Variants in MGST1 observed in about 807,000 individuals in gnomAD.
MGST1 encodes the protein microsomal glutathione S-transferase 1, also known as glutathione S-transferase 12.
A neutral mutation model predicts 8.9 loss-of-function variants in MGST1; 5 were observed. The observed-to-expected ratio is 0.56, with a 90% CI of 0.29 to 1.19. The LOEUF (loss-of-function observed/expected upper bound fraction) is 1.19. Among genes scored for constraint, MGST1 ranks in the 50% most tolerant of loss-of-function variants. The probability of loss-of-function intolerance (pLI) is 0.08; values close to 1 mark genes in which losing one functional copy is unlikely to be tolerated. For synonymous variants in MGST1, 54 were observed against 67.8 expected, an observed-to-expected ratio of 0.80 and a Z score of 1.00; for missense variants, 182 against 187.4, an observed-to-expected ratio of 0.97 and a Z score of 0.17.
At chr12:16,374,660 G>A (rs899781344) in intron 3 of MGST1, among the ~76,000 whole-genome samples, 3 of 152,020 alleles carry the variant, frequency 2.0e-5, no homozygotes, top group African/African-American at 7.2e-5. Context: ...ATTTATTGAA[G>A]CACCATTTTT....
chr12:16,379,360 G>C (rs1940427556), downstream of MGST1, among the ~76,000 whole-genome samples: 1 of 152,198 alleles, frequency 6.6e-6, no homozygotes, highest in Non-Finnish European at 1.5e-5. Context: ...AGCATGAAGA[G>C]TTGTCGAATT....
rs112121099 is a variant in MGST1, at chr12:16,582,868, C to A, written n.483-6660C>A. 6.6e-6 allele frequency among the ~76,000 whole-genome samples: 1 copy of A among 151,648 alleles called. No homozygotes were observed. The highest frequency in any genetic ancestry group is 1.5e-5 in the Non-Finnish European group (1 of 67,882). ...TTCGAGACCAGCCTGGCCAACATGG[C>A]GAAACCCCGTCTCTACTAAAATAAA... On this transcript the variant is annotated intron_variant and non_coding_transcript_variant, in intron 4 of 4. Coordinates refer to the MGST1 transcript ENST00000538857. The surrounding 1 kb of genome is among the most constrained non-coding windows in gnomAD (Gnocchi z 4.1).
chr12:16,426,365 T>C (rs952423043), intron 1 of MGST1, among the ~76,000 whole-genome samples: 1 of 152,188 alleles, frequency 6.6e-6, no homozygotes, highest in Admixed American at 6.5e-5. Context: ...ATATTCATCC[T>C]AGCAAAACTC....
intron 4 of MGST1, among the ~76,000 whole-genome samples, chr12:16,484,505 G>C (rs1242320767): frequency 1.3e-5 from 2 of 152,086 alleles, no homozygotes; most frequent in African/African-American, 2.4e-5. Flanking sequence ...AATTTATAAA[G>C]AAAACGGGTT....
intron 4 of MGST1, among the ~76,000 whole-genome samples, chr12:16,496,457 C>T (rs777699897): frequency 9.2e-5 from 14 of 152,080 alleles, no homozygotes; most frequent in Admixed American, 2.0e-4. Context: ...AAAACAGCAA[C>T]ACACATTTTA....
rs532631251 is a variant in MGST1, at chr12:16,403,458, G to A, written n.778+19854G>A. Among the ~76,000 whole-genome samples, 7 of 152,100 alleles carry A rather than the reference G, an allele frequency of 4.6e-5. No homozygotes were observed. In the East Asian group the frequency reaches 1.4e-3, roughly 29 times the overall value. On this transcript the variant is annotated intron_variant and non_coding_transcript_variant, in intron 1 of 1. Coordinates refer to the MGST1 transcript ENST00000359720. ...CAAATGTTCTGCAGATGTTCCAAGT[G>A]TATTTGAAAAGAAGGTGTGTTTTGC...
At chr12:16,499,786 ACCCATCTTTTCTT>A (rs1941493625) in intron 4 of MGST1, among the ~76,000 whole-genome samples, 1 of 151,906 alleles carries the variant, frequency 6.6e-6, no homozygotes, top group African/African-American at 2.4e-5. Flanking sequence ...GAGATCTGAC[ACCCATCTTTTCTT>A]GGCTGTGGAA....
At chr12:16,469,232 G>T (rs974708632) in intron 4 of MGST1, among the ~76,000 whole-genome samples, 3 of 143,616 alleles carry the variant, frequency 2.1e-5, no homozygotes, top group Non-Finnish European at 4.5e-5. Flanking sequence ...TGCCCAGGCT[G>T]GAGTGCAGTG....
At chr12:16,440,035 A>G (rs190993633), downstream of MGST1, among the ~76,000 whole-genome samples, 48 of 151,850 alleles carry the variant, frequency 3.2e-4, no homozygotes, top group East Asian at 2.1e-3. Flanking sequence ...CTGGAGGTGC[A>G]TTTATGGTGT....
chr12:16,574,808 C>T (rs1942940235), intron 4 of MGST1, among the ~76,000 whole-genome samples: 1 of 152,138 alleles, frequency 6.6e-6, no homozygotes, highest in African/African-American at 2.4e-5. Flanking sequence ...TGGTAGGTGG[C>T]ATCCATTCTG....
At position 16,467,378 on chromosome 12, in the gene MGST1, A is replaced by G. The variant is rs533061649; in HGVS notation, n.482+83774A>G. On this transcript the variant is annotated intron_variant and non_coding_transcript_variant, in intron 4 of 4. Coordinates refer to the MGST1 transcript ENST00000538857. Reference sequence around the variant, plus strand: ...CCAGCTGATCTATTTGAATTAGGTTACATAAACCATCACATTCAATATGTA... The same window carrying G: ...CCAGCTGATCTATTTGAATTAGGTTGCATAAACCATCACATTCAATATGTA... Among the ~76,000 whole-genome samples, 3 of 152,332 alleles carry G rather than the reference A, an allele frequency of 2.0e-5. No individual in the cohort carries two copies. In the East Asian group the frequency reaches 5.8e-4, roughly 29 times the overall value.
intron 4 of MGST1, among the ~76,000 whole-genome samples, chr12:16,493,624 A>G (rs1221184808): frequency 6.6e-6 from 1 of 152,174 alleles, no homozygotes; most frequent in East Asian, 1.9e-4. Flanking sequence ...TATTTTGGTT[A>G]AGAAGTGTTC....
intron 4 of MGST1, among the ~76,000 whole-genome samples, chr12:16,478,909 A>G (rs951668517): frequency 6.6e-6 from 1 of 152,122 alleles, no homozygotes; most frequent in Admixed American, 6.6e-5. Context: ...TCTAGTTTCA[A>G]AACATTTCCG....
downstream of MGST1, among the ~76,000 whole-genome samples, chr12:16,369,158 A>C (rs1227713477): frequency 6.6e-6 from 1 of 152,130 alleles, no homozygotes; most frequent in African/African-American, 2.4e-5. This position sits in a 1 kb window ranked among gnomAD's most constrained non-coding sequence, Gnocchi z 4.8. Flanking sequence ...TTTGAAAAAC[A>C]CCTATATCTG....
In MGST1 at chr12:16,498,103, A is replaced by AT. The variant is rs1941481557; in HGVS notation, n.483-91425_483-91424insT. 2.6e-5 allele frequency among the ~76,000 whole-genome samples: 4 copies of AT among 152,300 alleles called. No homozygotes were observed. The South Asian group carries it at 8.3e-4, about 32-fold the overall frequency. On this transcript the variant is annotated intron_variant and non_coding_transcript_variant, in intron 4 of 4. Transcript: ENST00000538857. Reference sequence around the variant, plus strand: ...TCTTCCATCATAACATATCATTGTGAAGGATTCCAATGTACTTTCAAATAA... The same window carrying AT: ...TCTTCCATCATAACATATCATTGTGATAGGATTCCAATGTACTTTCAAATAA...
intron 4 of MGST1, among the ~76,000 whole-genome samples, chr12:16,479,754 T>C (rs1348332612): frequency 6.6e-6 from 1 of 151,930 alleles, no homozygotes; most frequent in East Asian, 1.9e-4. Flanking sequence ...TGGGCTGGTC[T>C]CAAACACCGG....
At chr12:16,387,547 G>A (rs1325825663) in intron 1 of MGST1, among the ~76,000 whole-genome samples, 1 of 143,390 alleles carries the variant, frequency 7.0e-6, no homozygotes, top group Non-Finnish European at 1.5e-5. Flanking sequence ...TTTTTTTTGA[G>A]ATGGAGTCTC....
At chr12:16,476,867 A>G (rs1301525718) in intron 4 of MGST1, among the ~76,000 whole-genome samples, 1 of 152,224 alleles carries the variant, frequency 6.6e-6, no homozygotes, top group African/African-American at 2.4e-5. Context: ...GGATTTCTGT[A>G]TTGCAGATAG....
At chr12:16,391,444 G>C (rs1413052052) in intron 1 of MGST1, among the ~76,000 whole-genome samples, 3 of 150,938 alleles carry the variant, frequency 2.0e-5, no homozygotes, top group African/African-American at 7.3e-5. Context: ...GTGTTAGTTT[G>C]CTGAGAATGA....
Sources: gnomAD v4.1 joint callset for allele counts (sites outside exome capture counted in the v4.1 genomes callset) on GRCh38, gnomAD v4.1.1 for gene constraint, Gnocchi (gnomAD v3.1) non-coding constraint, MANE v1.5 for transcripts, NCBI Gene and HGNC (gene_info 2026-07-23, HGNC 2026-07-21) for gene names.